The following C1orf21 variants were observed in gnomAD, a reference collection of about 807,000 sequenced individuals.
C1orf21 encodes uncharacterized protein C1orf21.
A neutral mutation model predicts 18.7 loss-of-function variants in C1orf21; 3 were observed. The ratio of observed to expected loss-of-function variants is 0.16; its 90% CI spans 0.07 to 0.42. The LOEUF is 0.42. Ranked by LOEUF, C1orf21 falls within the 10% of genes least tolerant of loss-of-function variation. The pLI, the probability that C1orf21 is intolerant of heterozygous loss-of-function variation, is 0.99. For synonymous variants in C1orf21, 41 were observed against 46.4 expected (o/e 0.88, Z 0.47); for missense variants, 104 against 143.6 (o/e 0.72, Z 1.41).
chr1:184,449,087 A>G (rs1369329581), intron 1 of C1orf21, among the ~76,000 whole-genome samples: 1 of 152,084 alleles, frequency 6.6e-6, no homozygotes, highest in South Asian at 2.1e-4. Context: ...TCTAGTGTAC[A>G]TGTGCACAAT....
intron 3 of C1orf21, among the ~76,000 whole-genome samples, chr1:184,572,654 T>A (rs12044388): frequency 0.18 from 26,888 of 151,970 alleles, 2,638 homozygotes; most frequent in East Asian, 0.31. Context: ...AGATTTTTTT[T>A]AAAAAAATTA....
intron 5 of C1orf21, among the ~76,000 whole-genome samples, chr1:184,599,942 G>A (rs1659564693): frequency 6.6e-6 from 1 of 152,134 alleles, no homozygotes; most frequent in Non-Finnish European, 1.5e-5. Flanking sequence ...CTGGCCGCAG[G>A]CATTTCAGAT....
At chr1:184,564,281 C>CAGA (rs2101987237) in intron 3 of C1orf21, among the ~76,000 whole-genome samples, 1 of 152,270 alleles carries the variant, frequency 6.6e-6, no homozygotes, top group South Asian at 2.1e-4. Flanking sequence ...GTTGGTCTTA[C>CAGA]AGAATAATAA....
rs914075432 is a variant in C1orf21 at position 184,419,070 on chromosome 1, G to C, written c.-125+31702G>C. Among the ~76,000 whole-genome samples the C allele has an allele frequency of 6.6e-5, 10 of 152,256 alleles. No homozygotes were observed. In the South Asian group the frequency reaches 8.3e-4, roughly 13 times the overall value. The stretch of plus-strand genomic sequence containing the variant: ...CTTTCTGTTGTTTGGTGCTGTTGAA[G>C]AGGTGAATTAGTTTTATAATGAGGG... On this transcript the variant is annotated intron_variant, in intron 1 of 5. Transcript: ENST00000235307.
At chr1:184,423,485 T>C (rs1656581210) in intron 1 of C1orf21, among the ~76,000 whole-genome samples, 1 of 152,130 alleles carries the variant, frequency 6.6e-6, no homozygotes, top group African/African-American at 2.4e-5. Flanking sequence ...GCCACTGAGA[T>C]TTTTTGAGTA....
chr1:184,524,249 T>G (rs1439585986), intron 3 of C1orf21, among the ~76,000 whole-genome samples: 1 of 152,170 alleles, frequency 6.6e-6, no homozygotes, highest in Admixed American at 6.6e-5. Flanking sequence ...TATACTGTAT[T>G]TCATACATTT....
intron 1 of C1orf21, among the ~76,000 whole-genome samples, chr1:184,422,344 T>C (rs1656558900): frequency 6.6e-6 from 1 of 152,208 alleles, no homozygotes. Flanking sequence ...GTCAAGTAGC[T>C]TAATAATAAG....
chr1:184,616,696 G>GTGTGCACGTGTGTGTGCTTGTGTT (rs1659829581), intron 5 of C1orf21, among the ~76,000 whole-genome samples: 1 of 143,932 alleles, frequency 6.9e-6, no homozygotes, highest in Non-Finnish European at 1.5e-5. Context: ...GTGCTTGTGT[G>GTGTGCACGTGTGTGTGCTTGTGTT]TGCACACGTG....
rs1459296856 is a variant in C1orf21 at position 184,579,513 on chromosome 1, C to CT, written c.190-11216dup. On this transcript the variant is annotated intron_variant, in intron 3 of 5. Coordinates refer to ENST00000235307, the MANE Select transcript of C1orf21 (RefSeq NM_030806.4). ...GATTTTCTTTTTTTTTTTTTTTTTCCTTTTTTTTTTGTTTAAGATGGAGTT... is the reference window on the plus strand; with the variant it reads ...GATTTTCTTTTTTTTTTTTTTTTTCCTTTTTTTTTTTGTTTAAGATGGAGTT... 4.3e-3 allele frequency among the ~76,000 whole-genome samples: 409 copies of CT among 94,654 alleles called. 4 individuals are homozygous for CT. The highest frequency in any genetic ancestry group is 7.9e-3 in the Admixed American group (69 of 8,722). The allele number at this position is 94,654 out of a possible 152,430, so 62.1% of individuals were successfully genotyped here.
intron 3 of C1orf21, among the ~76,000 whole-genome samples, chr1:184,572,801 A>G (rs532072291): frequency 2.3e-4 from 35 of 152,206 alleles, no homozygotes; most frequent in Admixed American, 2.2e-3. Flanking sequence ...AAAATACAAA[A>G]ATCAGCCACG....
rs1338510398 is a variant in C1orf21 at position 184,401,410 on chromosome 1, G to A, written c.-125+14042G>A. On this transcript the variant is annotated intron_variant, in intron 1 of 5. Transcript: ENST00000235307. The stretch of plus-strand genomic sequence containing the variant: ...TAATTTTTGTATTTTTCGTAAAGAC[G>A]GGGTTTCGCCACGCAGCCAGCCTGG... Among the ~76,000 whole-genome samples the A allele has an allele frequency of 2.6e-5, 4 of 151,942 alleles. No homozygotes were observed. The South Asian group carries it at 6.2e-4, about 24-fold the overall frequency.
chr1:184,606,358 T>C (rs1659646495), intron 5 of C1orf21, among the ~76,000 whole-genome samples: 2 of 152,182 alleles, frequency 1.3e-5, no homozygotes. Flanking sequence ...GGAAGATCAC[T>C]TGAGGCCAGG....
At chr1:184,570,710 A>G (rs1296574734) in intron 3 of C1orf21, among the ~76,000 whole-genome samples, 26 of 152,218 alleles carry the variant, frequency 1.7e-4, no homozygotes, top group Admixed American at 1.4e-3. Flanking sequence ...AAAATAATGC[A>G]ACTGAGTGCT....
chr1:184,568,326 C>G (rs1659063045), intron 3 of C1orf21: 1 of 421,400 alleles, frequency 2.4e-6, no homozygotes, highest in African/African-American at 2.0e-5. Context: ...ATCTCCAGGA[C>G]TTTTTTCATC....
chr1:184,535,557 G>A (rs1658538539), intron 3 of C1orf21, among the ~76,000 whole-genome samples: 1 of 152,178 alleles, frequency 6.6e-6, no homozygotes, highest in South Asian at 2.1e-4. Context: ...ATTTTTAAAT[G>A]GCAAATGAGA....
rs1656929872 is a variant in C1orf21 at position 184,440,701 on chromosome 1, T to G, written c.-124-36685T>G. 2.6e-5 allele frequency among the ~76,000 whole-genome samples: 4 copies of G among 152,314 alleles called. No individual in the cohort carries two copies. The Middle Eastern group carries it at 0.01, about 389-fold the overall frequency. On this transcript the variant is annotated intron_variant, in intron 1 of 5. Transcript: ENST00000235307. ...TAGTAAGTTTGAATATCTTTGATAC[T>G]TACAGGACAGAGGAGAGAGGGAAGG...
At chr1:184,500,636 C>A (rs1460117226) in intron 2 of C1orf21, among the ~76,000 whole-genome samples, 1 of 152,180 alleles carries the variant, frequency 6.6e-6, no homozygotes, top group Non-Finnish European at 1.5e-5. Context: ...TGGGAAGTCA[C>A]AAAGCCAGGT....
chr1:184,455,801 G>C (rs1657190047), intron 1 of C1orf21, among the ~76,000 whole-genome samples: 1 of 152,130 alleles, frequency 6.6e-6, no homozygotes, highest in Non-Finnish European at 1.5e-5. Context: ...GGGATATTAT[G>C]AATACTATTC....
chr1:184,573,370 A>T (rs1558005978), intron 3 of C1orf21, among the ~76,000 whole-genome samples: 1 of 152,192 alleles, frequency 6.6e-6, no homozygotes, highest in Non-Finnish European at 1.5e-5. Context: ...AATCACTTAA[A>T]ATGTCAAGTC....
Sources: allele counts gnomAD v4.1 joint callset (sites outside exome capture counted in the v4.1 genomes callset), GRCh38; gene constraint gnomAD v4.1.1; transcripts MANE v1.5; gene names NCBI Gene and HGNC (gene_info 2026-07-23, HGNC 2026-07-21).